The following EML4 variants were observed in gnomAD, a reference collection of about 807,000 sequenced individuals.
The protein encoded by EML4 is echinoderm microtubule-associated protein-like 4.
In EML4, 72 loss-of-function variants were observed where a neutral mutation model predicts 129.0. The observed-to-expected ratio is 0.56, with a 90% CI of 0.46 to 0.68. The LOEUF (loss-of-function observed/expected upper bound fraction) is 0.68, where lower values mean the gene tolerates loss of function less well. Ranked by LOEUF, EML4 falls within the 30% of genes least tolerant of loss-of-function variation. The pLI is 0.00. For synonymous variants in EML4, 532 were observed against 405.0 expected, an observed-to-expected ratio of 1.31 and a Z score of -3.77; for missense variants, 1,363 against 1,190.6, an observed-to-expected ratio of 1.14 and a Z score of -2.13.
At chr2:42,282,755 T>C in intron 7 of EML4, 68 bp from the exon 8 acceptor site, 3 of 1,337,302 alleles carry the variant, frequency 2.2e-6, no homozygotes, top group East Asian at 2.3e-5. Context: ...TCCTTAAGTA[T>C]CCATGAAAAA....
intron 1 of EML4, among the ~76,000 whole-genome samples, chr2:42,202,721 C>G (rs1558498105): frequency 6.6e-6 from 1 of 152,242 alleles, no homozygotes; most frequent in East Asian, 1.9e-4. Context: ...TTAGATTGTG[C>G]CCACCCCGAT....
intron 1 of EML4, among the ~76,000 whole-genome samples, chr2:42,231,070 C>G (rs1252941788): frequency 6.6e-6 from 1 of 152,192 alleles, no homozygotes; most frequent in Non-Finnish European, 1.5e-5. Context: ...AATCACATTC[C>G]TTAAAAGACT....
chr2:42,323,771 C>CAAA (rs11415234), intron 19 of EML4, among the ~76,000 whole-genome samples: 14 of 137,540 alleles, frequency 1.0e-4, no homozygotes, highest in African/African-American at 2.4e-4. Flanking sequence ...CCGTCTCTAC[C>CAAA]AAAAAAAAAA....
At chr2:42,221,590 T>C (rs1024489044) in intron 1 of EML4, among the ~76,000 whole-genome samples, 2 of 150,952 alleles carry the variant, frequency 1.3e-5, no homozygotes, top group African/African-American at 2.4e-5. Context: ...TTGTGGTGTT[T>C]TTTTGGGTTT....
intron 1 of EML4, among the ~76,000 whole-genome samples, chr2:42,236,556 A>G (rs1057370685): frequency 3.9e-5 from 6 of 152,194 alleles, no homozygotes; most frequent in Non-Finnish European, 4.4e-5. Context: ...TTGTGTTACA[A>G]AGGCACATCT....
At chr2:42,242,735 G>A (rs142183047) in intron 1 of EML4, among the ~76,000 whole-genome samples, 12 of 133,504 alleles carry the variant, frequency 9.0e-5, no homozygotes, top group African/African-American at 1.7e-4. Flanking sequence ...TTCTCTTCTC[G>A]TCTCGTCTCG....
chr2:42,240,777 CA>C (rs1558530864), intron 1 of EML4, among the ~76,000 whole-genome samples: 1 of 152,158 alleles, frequency 6.6e-6, no homozygotes, highest in African/African-American at 2.4e-5. Context: ...CTAATCATCC[CA>C]AGCCTGATGT....
intron 19 of EML4, among the ~76,000 whole-genome samples, chr2:42,322,250 C>A (rs1669564375): frequency 6.6e-6 from 1 of 152,210 alleles, no homozygotes; most frequent in African/African-American, 2.4e-5. Flanking sequence ...CCACAACTTT[C>A]TGTTCATATC....
At chr2:42,211,891 T>C (rs916672725) in intron 1 of EML4, among the ~76,000 whole-genome samples, 3 of 152,118 alleles carry the variant, frequency 2.0e-5, no homozygotes, top group African/African-American at 7.2e-5. Context: ...GTCGCCCAGG[T>C]TGGAGTGCAG....
intron 4 of EML4, among the ~76,000 whole-genome samples, chr2:42,262,451 G>C (rs17389310): frequency 0.12 from 17,758 of 152,038 alleles, 1,117 homozygotes; most frequent in South Asian, 0.22. Context: ...GATTTCACTT[G>C]ATATCTTCTT....
chr2:42,214,556 A>C (rs1273556829), intron 1 of EML4, among the ~76,000 whole-genome samples: 1 of 152,200 alleles, frequency 6.6e-6, no homozygotes, highest in African/African-American at 2.4e-5. Context: ...TTAAAAAAAC[A>C]AACACCTAAT....
intron 1 of EML4, among the ~76,000 whole-genome samples, chr2:42,188,072 A>T (rs965455659): frequency 6.6e-6 from 1 of 152,122 alleles, no homozygotes; most frequent in Non-Finnish European, 1.5e-5. Flanking sequence ...GCACAATTGA[A>T]CTAATCGGAA....
intron 1 of EML4, among the ~76,000 whole-genome samples, chr2:42,205,187 C>T (rs757446681): frequency 1.3e-5 from 2 of 152,148 alleles, no homozygotes; most frequent in Admixed American, 6.5e-5. Context: ...TCTTAGATTA[C>T]AATTTGACAT....
intron 6 of EML4, among the ~76,000 whole-genome samples, chr2:42,280,556 A>G (rs1188119729): frequency 6.6e-6 from 1 of 152,236 alleles, no homozygotes; most frequent in Non-Finnish European, 1.5e-5. Context: ...CATTCACATC[A>G]TATTATGAGT....
chr2:42,196,817 G>A (rs1451343632), intron 1 of EML4, among the ~76,000 whole-genome samples: 1 of 152,150 alleles, frequency 6.6e-6, no homozygotes, highest in Admixed American at 6.5e-5. Flanking sequence ...AGAGAGACTG[G>A]GAGAGTTTTC....
chr2:42,291,516 G>A (rs772241062), intron 11 of EML4, among the ~76,000 whole-genome samples: 13 of 148,568 alleles, frequency 8.8e-5, no homozygotes, highest in South Asian at 2.2e-4. Context: ...TGATTCTTCC[G>A]CCTCAGCTTC....
intron 4 of EML4, among the ~76,000 whole-genome samples, chr2:42,261,865 A>G (rs1201293322): frequency 6.6e-6 from 1 of 152,126 alleles, no homozygotes; most frequent in East Asian, 1.9e-4. Context: ...TGTCCGTAAT[A>G]ATTAATATTT....
At position 42,242,330 on chromosome 2, in the gene EML4, G is replaced by A. The variant is rs1029378892; in HGVS notation, c.26-3175G>A. On this transcript the variant is annotated intron_variant, in intron 1 of 22. Transcript: ENST00000318522. ...ATCCATATAGTTTACTGACTTAATC[G>A]CGGCCTTTGGTTTACAAATAATGGC... is the stretch of plus-strand genomic sequence containing the variant. 7.2e-5 allele frequency among the ~76,000 whole-genome samples: 11 copies of A among 152,138 alleles called. 1 individual carries two copies. Among genetic ancestry groups the A allele is most frequent in the South Asian group, 4.1e-4 (2 of 4,822 alleles).
chr2:42,286,067 C>T (rs1472155680), intron 9 of EML4: 5 of 617,946 alleles, frequency 8.1e-6, no homozygotes, highest in Non-Finnish European at 1.5e-5. Flanking sequence ...AGTAAATACA[C>T]AAGTTATTTG....
Sources: allele counts gnomAD v4.1 joint callset (sites outside exome capture counted in the v4.1 genomes callset), GRCh38; gene constraint gnomAD v4.1.1; transcripts MANE v1.5; gene names NCBI Gene and HGNC (gene_info 2026-07-23, HGNC 2026-07-21).